The following JPH3 variants were observed in gnomAD, a reference collection of about 807,000 sequenced individuals.
The protein encoded by JPH3 is junctophilin 3.
In JPH3, 11 loss-of-function variants were observed where a neutral mutation model predicts 59.6. That is an observed-to-expected ratio of 0.18 (90% CI 0.12 to 0.31). The LOEUF (loss-of-function observed/expected upper bound fraction) is 0.31, where lower values mean the gene tolerates loss of function less well. JPH3 is among the 10% of genes least tolerant of loss of function. The pLI, the probability that JPH3 is intolerant of heterozygous loss-of-function variation, is 1.00. For missense variants in JPH3, 1,202 were observed against 1,105.7 expected (o/e 1.09, Z -1.24); for synonymous variants, 673 against 483.6 (o/e 1.39, Z -5.14).
intron 1 of JPH3, chr16:87,604,585 A>C: frequency 8.1e-7 from 1 of 1,229,520 alleles, no homozygotes; most frequent in Non-Finnish European, 1.0e-6. Context: ...AGTGAGACGC[A>C]GCAATGACTT....
At chr16:87,696,252 T>G (rs990101258) in intron 4 of JPH3, 2 of 456,666 alleles carry the variant, frequency 4.4e-6, no homozygotes, top group East Asian at 4.8e-5. Context: ...ACCGAGACGT[T>G]TGCTTGCAGG....
At position 87,689,804 on chromosome 16, in the gene JPH3, ACCAGCCCCGCGGCCACCCCGCCGC is replaced by A; in HGVS notation, c.1447_1470del (p.Ser483_Pro490del). 6.3e-7 allele frequency: 1 copy of A among 1,588,830 alleles called. No homozygotes were observed. The highest frequency in any genetic ancestry group is 8.6e-7 in the Non-Finnish European group (1 of 1,168,038). On this transcript the variant is annotated inframe_deletion, in exon 4 of 5. Transcript: ENST00000284262. ...CGACAGCCCCCTGCAGAGCTTCCCC[ACCAGCCCCGCGGCCACCCCGCCGC>A]CCGCGCCCGCCGCCAGGAACAAGGT...
chr16:87,618,949 C>T (rs759848907), intron 1 of JPH3, among the ~76,000 whole-genome samples: 28 of 152,014 alleles, frequency 1.8e-4, no homozygotes, highest in Non-Finnish European at 3.5e-4. Flanking sequence ...ATGAGCTGGG[C>T]GTGATGGCAG....
At chr16:87,637,116 C>T (rs868512752) in intron 1 of JPH3, among the ~76,000 whole-genome samples, 7 of 152,194 alleles carry the variant, frequency 4.6e-5, no homozygotes, top group Non-Finnish European at 7.3e-5. Context: ...TCTTAGGAGT[C>T]GGAAATCTTA....
chr16:87,634,713 C>G (rs990401798), intron 1 of JPH3, among the ~76,000 whole-genome samples: 1 of 152,222 alleles, frequency 6.6e-6, no homozygotes, highest in Non-Finnish European at 1.5e-5. Context: ...GTGAGGCGGG[C>G]CAGAGTGAAT....
chr16:87,696,683 TAGAG>T lies in JPH3; in HGVS notation c.*25_*28del, dbSNP rs779258672. 26 of 1,585,876 alleles carry T rather than the reference TAGAG, an allele frequency of 1.6e-5. No homozygotes were observed. Among genetic ancestry groups the T allele is most frequent in the African/African-American group, 1.5e-4 (11 of 74,228 alleles). On this transcript the variant is annotated 3_prime_UTR_variant, in exon 5 of 5. Coordinates refer to ENST00000284262, the MANE Select transcript of JPH3 (RefSeq NM_020655.4). ...TGATGAGATGTCGCGGTAGCAAAAATAGAGAAAGGGTAGAAAAAAGGGACATTAA... is the reference window on the plus strand; with the variant it reads ...TGATGAGATGTCGCGGTAGCAAAAATAAAGGGTAGAAAAAAGGGACATTAA...
chr16:87,603,494 G>T lies in JPH3; in HGVS notation c.348G>T (p.Gln116His). 1 of 1,551,604 alleles carries T rather than the reference G, an allele frequency of 6.4e-7. No individual in the cohort carries two copies. The change falls in exon 1 of 5, where the codon CAG (glutamine) becomes CAT (histidine). Residue 116 changes from glutamine (Q) to histidine (H), a missense_variant. By Grantham distance (24) the Gln-to-His change is conservative. Transcript: ENST00000284262. ...KYEGTWSNGL[Q>H]DGYGTETYSD... ...AAGGGACCTGGAGCAACGGGCTGCAGGACGGCTACGGGACCGAGACCTACT... is the reference window on the plus strand; with the variant it reads ...AAGGGACCTGGAGCAACGGGCTGCATGACGGCTACGGGACCGAGACCTACT...
At chr16:87,687,835 C>T (rs928004057) in intron 3 of JPH3, among the ~76,000 whole-genome samples, 5 of 152,088 alleles carry the variant, frequency 3.3e-5, no homozygotes, top group South Asian at 2.1e-4. Context: ...TGGGAAAGGC[C>T]GGGGCGCCAT....
chr16:87,645,747 G>T (rs2032125934), intron 2 of JPH3, among the ~76,000 whole-genome samples: 1 of 152,160 alleles, frequency 6.6e-6, no homozygotes, highest in African/African-American at 2.4e-5. Context: ...CTGGAGGAAG[G>T]TGCCCAGGGT....
chr16:87,685,219 C>T (rs568903743), intron 3 of JPH3, among the ~76,000 whole-genome samples: 1 of 152,352 alleles, frequency 6.6e-6, no homozygotes, highest in South Asian at 2.1e-4. Context: ...ACTCCAAGAC[C>T]TTGCCTTCAC....
At chr16:87,661,126 G>C (rs1015498944) in intron 2 of JPH3, among the ~76,000 whole-genome samples, 5 of 152,208 alleles carry the variant, frequency 3.3e-5, no homozygotes, top group Non-Finnish European at 7.3e-5. Flanking sequence ...AGCTTCCAGA[G>C]GCCGCCTGCG....
intron 1 of JPH3, among the ~76,000 whole-genome samples, chr16:87,643,274 G>A (rs1163608631): frequency 2.6e-5 from 4 of 152,198 alleles, no homozygotes; most frequent in South Asian, 2.1e-4. Context: ...ACCGCATGGC[G>A]TCTGTCCATT....
intron 1 of JPH3, among the ~76,000 whole-genome samples, chr16:87,605,554 G>C (rs2030487814): frequency 6.6e-6 from 1 of 152,206 alleles, no homozygotes; most frequent in Admixed American, 6.5e-5. Context: ...TTCTGTGGCT[G>C]GCCGTGTAGT....
chr16:87,630,689 A>G (rs1371294409), intron 1 of JPH3, among the ~76,000 whole-genome samples: 1 of 152,214 alleles, frequency 6.6e-6, no homozygotes, highest in Admixed American at 6.5e-5. Context: ...TAAAAACAAA[A>G]TAGAGCTTGG....
At chr16:87,625,193 A>C (rs2031326982) in intron 1 of JPH3, among the ~76,000 whole-genome samples, 1 of 152,226 alleles carries the variant, frequency 6.6e-6, no homozygotes, top group South Asian at 2.1e-4. Flanking sequence ...GAAGCTGAGA[A>C]GTCTTTTCCA....
At chr16:87,662,106 C>T (rs1052164235) in intron 2 of JPH3, among the ~76,000 whole-genome samples, 57 of 152,352 alleles carry the variant, frequency 3.7e-4, no homozygotes, top group African/African-American at 8.9e-4. Context: ...TCTGTACCTA[C>T]GGTCATCCCT....
At chr16:87,616,655 C>T (rs1017017801) in intron 1 of JPH3, among the ~76,000 whole-genome samples, 1 of 152,146 alleles carries the variant, frequency 6.6e-6, no homozygotes, top group Non-Finnish European at 1.5e-5. Flanking sequence ...CATGTGGTCT[C>T]TCCCGAGGTG....
At chr16:87,675,473 C>T (rs935632989) in intron 2 of JPH3, among the ~76,000 whole-genome samples, 5 of 152,172 alleles carry the variant, frequency 3.3e-5, no homozygotes, top group South Asian at 2.1e-4. Flanking sequence ...TGGGTGTGCC[C>T]TGTCTGTGTG....
intron 2 of JPH3, among the ~76,000 whole-genome samples, chr16:87,647,432 T>C (rs950260853): frequency 1.3e-5 from 2 of 152,160 alleles, no homozygotes; most frequent in Admixed American, 6.5e-5. Context: ...GTTTGCAGGC[T>C]GGTGCAGCTG....
Sources: gnomAD v4.1 joint callset for allele counts (sites outside exome capture counted in the v4.1 genomes callset) on GRCh38, gnomAD v4.1.1 for gene constraint, MANE v1.5 for transcripts, NCBI Gene and HGNC (gene_info 2026-07-23, HGNC 2026-07-21) for gene names.